SLC38A7: variants seen among roughly 807,000 people sequenced by gnomAD.
SLC38A7 encodes the protein sodium-coupled neutral amino acid transporter 7.
Under a neutral mutation model 50.1 loss-of-function variants are expected in SLC38A7, and 29 were observed. The ratio of observed to expected loss-of-function variants is 0.58; its 90% CI spans 0.43 to 0.79. SLC38A7 has a LOEUF of 0.79. Ranked by LOEUF, SLC38A7 falls within the 30% of genes least tolerant of loss-of-function variation. The probability of loss-of-function intolerance (pLI) is 0.00; values close to 1 mark genes in which losing one functional copy is unlikely to be tolerated. For missense variants in SLC38A7, 483 were observed against 610.6 expected (o/e 0.79, Z 2.20); for synonymous variants, 244 against 245.9 (o/e 0.99, Z 0.07).
chr16:58,679,753 G>T, intron 3 of SLC38A7, 104 bp downstream of exon 3: 1 of 1,428,950 alleles, frequency 7.0e-7, no homozygotes, highest in Non-Finnish European at 9.7e-7. Context: ...GGAGGGGAGA[G>T]CAGTGCGTGT....
rs894069477 is a variant in SLC38A7 at position 58,667,168 on chromosome 16, G to A, written c.*217C>T. 2.3e-5 allele frequency: 12 copies of A among 517,390 alleles called. No individual in the cohort carries two copies. Among genetic ancestry groups the A allele is most frequent in the South Asian group, 3.0e-5 (1 of 33,726 alleles). 32.0% of individuals were successfully genotyped at this position (517,390 alleles called of 1,614,324 possible). A position where few individuals can be genotyped will look rare whatever the true frequency, so the allele number is the denominator to read the frequency against. ...CCTCTATGATGTGAGACTTCCTGCCGCCATCCACGGCACTGCCAGGACTGG... is the reference window on the plus strand; with the variant it reads ...CCTCTATGATGTGAGACTTCCTGCCACCATCCACGGCACTGCCAGGACTGG... On this transcript the variant is annotated 3_prime_UTR_variant, in exon 12 of 12. Transcript: ENST00000219320.
At chr16:58,670,216 C>T (rs1394679437) in intron 10 of SLC38A7, 49 bp from the exon 11 acceptor site, 1 of 1,582,266 alleles carries the variant, frequency 6.3e-7, no homozygotes, top group South Asian at 1.1e-5. Context: ...AGAGGGCTCC[C>T]TCCCTCCTAG....
rs751949360 is a variant in SLC38A7, at chr16:58,678,754, G to C, written c.411C>G (p.Val137=). The part of the protein sequence containing the change: ...TGVLCEVAIA[V]YTFGTCIAFL... ...AGGCAATGCAGGTGCCAAAGGTGTA[G>C]ACAGCGATGGCCACCTCACATAGCA... The change falls in exon 4 of 12, where the codon GTC becomes GTG. Residue 137 remains valine, a synonymous_variant. Transcript: ENST00000219320. The surrounding 1 kb of genome is among the most constrained non-coding windows in gnomAD (Gnocchi z 4.0). 1 of 1,614,106 alleles carries C rather than the reference G, an allele frequency of 6.2e-7. No homozygotes were observed. Among genetic ancestry groups the C allele is most frequent in the Non-Finnish European group, 8.5e-7 (1 of 1,180,030 alleles).
chr16:58,668,972 G>A (rs1300318834), intron 11 of SLC38A7, among the ~76,000 whole-genome samples: 1 of 151,668 alleles, frequency 6.6e-6, no homozygotes, highest in African/African-American at 2.4e-5. Flanking sequence ...GTTTTGCCAT[G>A]TTGGCCAGGC....
chr16:58,682,392 T>C (rs1288659263), intron 2 of SLC38A7, among the ~76,000 whole-genome samples: 1 of 152,026 alleles, frequency 6.6e-6, no homozygotes, highest in African/African-American at 2.4e-5. Context: ...TAGAGTCTCC[T>C]CATTCCTGAG....
rs772462395 is a variant in SLC38A7 at position 58,671,075 on chromosome 16, G to A, written c.1201C>T (p.Leu401=). The A allele has an allele frequency of 6.2e-7, 1 of 1,610,962 alleles. No individual in the cohort carries two copies. The highest frequency in any genetic ancestry group is 8.5e-7 in the Non-Finnish European group (1 of 1,178,796). ...AAGACGAAGATGAAGCAGGCGGCCA[G>A]GCCTCCAATGACTGAGATCACCTTG... ...IGKVISVIGG[L]AACFIFVFPG... The change falls in exon 10 of 12, where the codon CTG becomes TTG. Residue 401 remains leucine, a synonymous_variant. Coordinates refer to ENST00000219320, the MANE Select transcript of SLC38A7 (RefSeq NM_018231.3).
chr16:58,675,324 T>C (rs894860097), intron 8 of SLC38A7: 2 of 417,214 alleles, frequency 4.8e-6, no homozygotes, highest in Non-Finnish European at 9.3e-6. Context: ...CTAGGCAACA[T>C]AGTGAGACCT....
At position 58,680,186 on chromosome 16, in the gene SLC38A7, A is replaced by C; in HGVS notation, c.-60T>G. On this transcript the variant is annotated 5_prime_UTR_variant, in exon 3 of 12. Coordinates refer to ENST00000219320, the MANE Select transcript of SLC38A7 (RefSeq NM_018231.3). ...GTTCTGCCTTACAACCACATGCCTC[A>C]GGGAGCTGAGCAACACCCACCTGTT... 1 of 1,485,424 alleles carries C rather than the reference A, an allele frequency of 6.7e-7. No individual in the cohort carries two copies. The highest frequency in any genetic ancestry group is 8.9e-7 in the Non-Finnish European group (1 of 1,118,638). 92.0% of individuals were successfully genotyped at this position (1,485,424 alleles called of 1,614,324 possible). A position where few individuals can be genotyped will look rare whatever the true frequency, so the allele number is the denominator to read the frequency against.
chr16:58,681,175 G>A, intron 2 of SLC38A7, among the ~76,000 whole-genome samples: 1 of 152,180 alleles, frequency 6.6e-6, no homozygotes, highest in East Asian at 1.9e-4. Flanking sequence ...AGCCCTAAAA[G>A]GTAGACATGA....
chr16:58,667,209 CTGGA>C lies in SLC38A7; in HGVS notation c.*172_*175del. The C allele has an allele frequency of 3.5e-6, 2 of 575,402 alleles. No individual in the cohort carries two copies. Among genetic ancestry groups the C allele is most frequent in the Non-Finnish European group, 6.0e-6 (2 of 331,086 alleles). The allele number at this position is 575,402 out of a possible 1,614,324, so 35.6% of individuals were successfully genotyped here. A position where few individuals can be genotyped will look rare whatever the true frequency, so the allele number is the denominator to read the frequency against. On this transcript the variant is annotated 3_prime_UTR_variant, in exon 12 of 12. Coordinates refer to ENST00000219320, the MANE Select transcript of SLC38A7 (RefSeq NM_018231.3). ...CCAGGACTGGGGAGCAGGAAGGGGA[CTGGA>C]TTTGAGCTGTCCAGAGGTGTGGGGC...
chr16:58,666,789 G>A lies in SLC38A7; in HGVS notation c.*596C>T, dbSNP rs185606330. The A allele has an allele frequency of 5.9e-4, 91 of 153,228 alleles. No individual in the cohort carries two copies. Among genetic ancestry groups the A allele is most frequent in the Admixed American group, 1.1e-3 (17 of 15,314 alleles). 9.5% of individuals were successfully genotyped at this position (153,228 alleles called of 1,614,324 possible). On this transcript the variant is annotated 3_prime_UTR_variant, in exon 12 of 12. Coordinates refer to ENST00000219320, the MANE Select transcript of SLC38A7 (RefSeq NM_018231.3). ...AGGTTTGATGAAAGAGACAGGGTGG[G>A]GCCCCTCAAGGCCTGGGAAATGTCT...
At position 58,677,352 on chromosome 16, in the gene SLC38A7, C is replaced by T. The variant is rs763399983; in HGVS notation, c.684G>A (p.Glu228=). The change falls in exon 6 of 12, where the codon GAG becomes GAA. Residue 228 remains glutamate, a synonymous_variant. Coordinates refer to ENST00000219320, the MANE Select transcript of SLC38A7 (RefSeq NM_018231.3). ...TGGTCAGGATGTTCCCTGGGGTCAT[C>T]TCTTTATCTGGCCAGATGTACTTGA... ...VIIKYIWPDK[E]MTPGNILTRP... is the part of the protein sequence containing the mutation. The T allele has an allele frequency of 1.9e-6, 3 of 1,613,750 alleles. No individual in the cohort carries two copies. The African/African-American group carries it at 4.0e-5, about 22-fold the overall frequency.
chr16:58,677,223 C>A, intron 6 of SLC38A7, 103 bp downstream of exon 6: 2 of 927,934 alleles, frequency 2.2e-6, no homozygotes, highest in Non-Finnish European at 3.5e-6. Flanking sequence ...AGCTCATGAG[C>A]CTTGAGAAGA....
Position 58,676,073 on chromosome 16 carries a change from C to G in SLC38A7, c.769-19G>C, listed in dbSNP as rs372858835. 6.2e-7 allele frequency: 1 copy of G among 1,608,410 alleles called. No individual in the cohort carries two copies. Among genetic ancestry groups the G allele is most frequent in the Non-Finnish European group, 8.5e-7 (1 of 1,176,638 alleles). On this transcript the variant is annotated intron_variant, in intron 7 of 11. Transcript: ENST00000219320. ...CGTGGCACTGTCCAGGTGAAGGGCACCGTCATGGTGGGGAAATGACCTCAA... is the reference window on the plus strand; with the variant it reads ...CGTGGCACTGTCCAGGTGAAGGGCAGCGTCATGGTGGGGAAATGACCTCAA...
rs889388290 is a variant in SLC38A7, at chr16:58,679,273, T to C, written c.271-379A>G. Among the ~76,000 whole-genome samples the C allele has an allele frequency of 2.6e-5, 4 of 152,114 alleles. 1 individual carries two copies. Among genetic ancestry groups the C allele is most frequent in the Admixed American group, 2.6e-4 (4 of 15,264 alleles). On this transcript the variant is annotated intron_variant, in intron 3 of 11. Coordinates refer to ENST00000219320, the MANE Select transcript of SLC38A7 (RefSeq NM_018231.3). The stretch of plus-strand genomic sequence containing the variant: ...TGGGCATGGTGGTGGGTGCCTGTAA[T>C]GCCAGCGACTTGGGAGGCTGAGGCA...
chr16:58,671,229 G>A lies in SLC38A7; in HGVS notation c.1047C>T (p.Gly349=), dbSNP rs778413647. Residue 349 remains glycine, a synonymous_variant, in exon 10 of 12, where the codon GGC becomes GGT. Transcript: ENST00000219320. ...GCACCCCCTGGTAGCGCAGCCACAG[G>A]CCTTCCACCACCGCCCTGCCCACAT... ...LHFCGRAVVE[G]LWLRYQGVPV... The A allele has an allele frequency of 1.9e-6, 3 of 1,613,742 alleles. No individual in the cohort carries two copies. The South Asian group carries it at 3.3e-5, about 18-fold the overall frequency.
chr16:58,683,307 G>A (rs117677133), intron 2 of SLC38A7, among the ~76,000 whole-genome samples: 1 of 152,294 alleles, frequency 6.6e-6, no homozygotes, highest in East Asian at 1.9e-4. Flanking sequence ...TGACTAACAA[G>A]ACCCCTTGGA....
chr16:58,682,584 C>T (rs1282746008), intron 2 of SLC38A7, among the ~76,000 whole-genome samples: 4 of 152,144 alleles, frequency 2.6e-5, no homozygotes, highest in Admixed American at 6.5e-5. Context: ...CTCAACTTCC[C>T]GAGTACCTGG....
intron 2 of SLC38A7, 86 bp from the exon 3 acceptor site, chr16:58,680,327 C>T: frequency 1.9e-6 from 1 of 539,480 alleles, no homozygotes; most frequent in South Asian, 5.5e-5. Context: ...CCCAAGATCA[C>T]ATGGGTAGGG....
Sources: allele counts gnomAD v4.1 joint callset (sites outside exome capture counted in the v4.1 genomes callset), GRCh38; gene constraint gnomAD v4.1.1; non-coding constraint Gnocchi (gnomAD v3.1); transcripts MANE v1.5; gene names NCBI Gene and HGNC (gene_info 2026-07-23, HGNC 2026-07-21).